Variants in TMEM178B observed in about 807,000 individuals in gnomAD.
TMEM178B encodes transmembrane protein 178B.
In TMEM178B, 5 loss-of-function variants were observed where a neutral mutation model predicts 31.0. That is an observed-to-expected ratio of 0.16 (90% CI 0.08 to 0.34). The LOEUF (loss-of-function observed/expected upper bound fraction) is 0.34, where lower values mean the gene tolerates loss of function less well. Ranked by LOEUF, TMEM178B falls within the 10% of genes least tolerant of loss-of-function variation. The pLI is 1.00. For synonymous variants in TMEM178B, 164 were observed against 164.0 expected (o/e 1.00, Z 0.00); for missense variants, 275 against 400.3 (o/e 0.69, Z 2.67).
At chr7:141,249,375 A>G (rs1347354694) in intron 2 of TMEM178B, among the ~76,000 whole-genome samples, 1 of 152,206 alleles carries the variant, frequency 6.6e-6, no homozygotes, top group East Asian at 1.9e-4. Flanking sequence ...CTGTGAATCC[A>G]TTAAACCTCT....
intron 2 of TMEM178B, among the ~76,000 whole-genome samples, chr7:141,258,788 G>A (rs6976973): frequency 0.44 from 66,800 of 151,928 alleles, 14,919 homozygotes; most frequent in East Asian, 0.67. Flanking sequence ...AGGTCATCTC[G>A]CTGTCTTCTG....
At chr7:141,438,697 A>T (rs891598627) in intron 3 of TMEM178B, among the ~76,000 whole-genome samples, 1 of 36,194 alleles carries the variant, frequency 2.8e-5, no homozygotes, top group Admixed American at 2.7e-4. Flanking sequence ...CGTCTCTACT[A>T]AAAAAAAAAA....
the TMEM178B span, among the ~76,000 whole-genome samples, chr7:141,486,925 G>A: frequency 6.6e-6 from 1 of 152,206 alleles, no homozygotes; most frequent in East Asian, 1.9e-4. Context: ...TTTAAATAGG[G>A]ACAGATGACA....
At chr7:141,455,626 AAACCTT>A (rs1454691863) in intron 3 of TMEM178B, among the ~76,000 whole-genome samples, 1 of 152,276 alleles carries the variant, frequency 6.6e-6, no homozygotes, top group Non-Finnish European at 1.5e-5. Flanking sequence ...TTCCTCATCT[AAACCTT>A]ACAACGTTGC....
intron 2 of TMEM178B, among the ~76,000 whole-genome samples, chr7:141,286,457 TTTAGAGATG>T (rs1798449832): frequency 6.6e-6 from 1 of 152,214 alleles, no homozygotes; most frequent in Non-Finnish European, 1.5e-5. Flanking sequence ...AACCTCTTTC[TTTAGAGATG>T]GTATGGTAAC....
chr7:141,227,535 CAG>C (rs1797365913), intron 2 of TMEM178B, among the ~76,000 whole-genome samples: 1 of 152,184 alleles, frequency 6.6e-6, no homozygotes, highest in Non-Finnish European at 1.5e-5. Context: ...CTGAGGCTAA[CAG>C]AGGTTAAATA....
At chr7:141,412,027 T>C (rs1393589510) in intron 2 of TMEM178B, among the ~76,000 whole-genome samples, 1 of 152,180 alleles carries the variant, frequency 6.6e-6, no homozygotes, top group East Asian at 1.9e-4. Flanking sequence ...GTTGTTTGGG[T>C]TTCAGGCTGA....
intron 1 of TMEM178B, among the ~76,000 whole-genome samples, chr7:141,170,314 A>G (rs944406636): frequency 1.3e-5 from 2 of 152,168 alleles, no homozygotes; most frequent in East Asian, 3.9e-4. Context: ...TTCCATTTAT[A>G]ATGAGTAATT....
chr7:141,495,993 A>G, the TMEM178B span, among the ~76,000 whole-genome samples: 1 of 152,308 alleles, frequency 6.6e-6, no homozygotes, highest in Non-Finnish European at 1.5e-5. Flanking sequence ...TCATGTTTAC[A>G]TACTTGATCT....
At chr7:141,242,916 A>T (rs895816877) in intron 2 of TMEM178B, among the ~76,000 whole-genome samples, 1 of 151,694 alleles carries the variant, frequency 6.6e-6, no homozygotes, top group African/African-American at 2.4e-5. Flanking sequence ...TCCTGTCTTT[A>T]TGTCATTGTT....
At chr7:141,291,665 T>G (rs935105240) in intron 2 of TMEM178B, among the ~76,000 whole-genome samples, 89 of 152,222 alleles carry the variant, frequency 5.8e-4, no homozygotes, top group African/African-American at 2.0e-3. Flanking sequence ...GCAAGAACCC[T>G]GTGCCGATTG....
chr7:141,089,492 C>T (rs193214076), intron 1 of TMEM178B, among the ~76,000 whole-genome samples: 1,699 of 152,270 alleles, frequency 0.011, 44 homozygotes, highest in African/African-American at 0.039. Flanking sequence ...CCATTTGAGC[C>T]AGCCATCCCA....
chr7:141,245,170 C>CAAAAAAAAAAAAAAAAAAAAAAAAAAAA (rs59281560), intron 2 of TMEM178B, among the ~76,000 whole-genome samples: 1 of 23,094 alleles, frequency 4.3e-5, no homozygotes, highest in African/African-American at 1.6e-4. Context: ...ACTCCATCAC[C>CAAAAAAAAAAAAAAAAAAAAAAAAAAAA]AAAAAAAAAA....
At chr7:141,469,366 G>A (rs1267854772) in intron 3 of TMEM178B, among the ~76,000 whole-genome samples, 1 of 152,134 alleles carries the variant, frequency 6.6e-6, no homozygotes, top group African/African-American at 2.4e-5. Flanking sequence ...GAGCTGGTGA[G>A]CCTCATTCTT....
At chr7:141,354,369 C>T (rs1285741359) in intron 2 of TMEM178B, among the ~76,000 whole-genome samples, 1 of 152,182 alleles carries the variant, frequency 6.6e-6, no homozygotes, top group Non-Finnish European at 1.5e-5. Context: ...GTTTCTAGTG[C>T]TGAGGCAGTT....
At chr7:141,292,738 A>G (rs1054064523) in intron 2 of TMEM178B, among the ~76,000 whole-genome samples, 9 of 149,604 alleles carry the variant, frequency 6.0e-5, no homozygotes, top group Non-Finnish European at 8.8e-5. Flanking sequence ...CCCGGGTTCA[A>G]GTGATTCTCC....
chr7:141,308,268 T>G (rs1377887401), intron 2 of TMEM178B, among the ~76,000 whole-genome samples: 2 of 152,330 alleles, frequency 1.3e-5, no homozygotes, highest in Admixed American at 1.3e-4. Context: ...ATCAGACTTG[T>G]AGTTCAGTGG....
intron 2 of TMEM178B, among the ~76,000 whole-genome samples, chr7:141,368,977 C>T (rs1338701392): frequency 6.6e-6 from 1 of 152,180 alleles, no homozygotes; most frequent in Non-Finnish European, 1.5e-5. Context: ...GACATGTGGG[C>T]CGTGGGCCCC....
chr7:141,263,945 G>A (rs1307663405), intron 2 of TMEM178B, among the ~76,000 whole-genome samples: 5 of 152,224 alleles, frequency 3.3e-5, no homozygotes, highest in Non-Finnish European at 5.9e-5. Context: ...ATGGCACATA[G>A]GGAAGAATTC....
Sources: allele counts gnomAD v4.1 joint callset (sites outside exome capture counted in the v4.1 genomes callset), GRCh38; gene constraint gnomAD v4.1.1; transcripts MANE v1.5; gene names NCBI Gene and HGNC (gene_info 2026-07-23, HGNC 2026-07-21).